The following APBA1 variants were observed in gnomAD, a reference collection of about 807,000 sequenced individuals.
The protein encoded by APBA1 is amyloid-beta A4 precursor protein-binding family A member 1.
In APBA1, 55 loss-of-function variants were observed where a neutral mutation model predicts 86.6. The ratio of observed to expected loss-of-function variants is 0.64; its 90% confidence interval spans 0.51 to 0.80. The LOEUF (loss-of-function observed/expected upper bound fraction) is 0.80. APBA1 is among the 30% of genes least tolerant of loss of function. The pLI is 0.00. For synonymous variants in APBA1, 511 were observed against 493.9 expected (o/e 1.03, Z -0.46); for missense variants, 1,090 against 1,183.0 (o/e 0.92, Z 1.15).
intron 3 of APBA1, among the ~76,000 whole-genome samples, chr9:69,473,302 A>G (rs542692958): frequency 1.3e-5 from 2 of 152,340 alleles, no homozygotes; most frequent in Non-Finnish European, 2.9e-5. Context: ...GTTTAAAGAA[A>G]AGAAAAAAAC....
chr9:69,461,642 G>A (rs1835193696), intron 5 of APBA1: 14 of 152,198 alleles, frequency 9.2e-5, no homozygotes, highest in Admixed American at 9.2e-4. Flanking sequence ...TTTTTCAGAA[G>A]AGGGAAATGT....
At chr9:69,641,818 T>C (rs953585610) in intron 1 of APBA1, among the ~76,000 whole-genome samples, 1 of 152,338 alleles carries the variant, frequency 6.6e-6, no homozygotes, top group African/African-American at 2.4e-5. Context: ...TTTGTAACTT[T>C]GGGCTAGGTG....
intron 1 of APBA1, among the ~76,000 whole-genome samples, chr9:69,575,078 G>A (rs1160339051): frequency 6.6e-6 from 1 of 151,930 alleles, no homozygotes; most frequent in African/African-American, 2.4e-5. Context: ...CACCTCTCCT[G>A]GCTAATTTTT....
Position 69,432,674 on chromosome 9 carries a change from G to T in APBA1, c.2304C>A (p.Ile768=). Residue 768 remains isoleucine, a splice_region_variant and synonymous_variant, in exon 12 of 13, where the codon ATC becomes ATA. Coordinates refer to ENST00000265381, the MANE Select transcript of APBA1 (RefSeq NM_001163.4). ...QLGFSVQNGI[I]CSLMRGGIAE... ...CTATTCCCCCTCGCATGAGGCTGCA[G>T]ATCTGCCAGAGTCAAAGGCAGAGTT... 1 of 1,579,402 alleles carries T rather than the reference G, an allele frequency of 6.3e-7. No individual in the cohort carries two copies. Among genetic ancestry groups the T allele is most frequent in the Non-Finnish European group, 8.6e-7 (1 of 1,165,560 alleles).
intron 1 of APBA1, among the ~76,000 whole-genome samples, chr9:69,611,777 A>C (rs1244257528): frequency 6.6e-6 from 1 of 152,198 alleles, no homozygotes; most frequent in Non-Finnish European, 1.5e-5. Flanking sequence ...GTGTTCACAC[A>C]TGTTGTGTCT....
intron 1 of APBA1, among the ~76,000 whole-genome samples, chr9:69,612,779 T>C (rs1822615621): frequency 6.6e-6 from 1 of 152,048 alleles, no homozygotes; most frequent in South Asian, 2.1e-4. Context: ...TAATTTTGTC[T>C]AAATTCAGAG....
intron 1 of APBA1, among the ~76,000 whole-genome samples, chr9:69,583,273 G>A (rs1054419492): frequency 6.6e-6 from 1 of 152,140 alleles, no homozygotes; most frequent in Non-Finnish European, 1.5e-5. Context: ...ATCTAGTCCA[G>A]CCCACCACCA....
intron 1 of APBA1, among the ~76,000 whole-genome samples, chr9:69,579,178 T>C (rs1453734217): frequency 2.6e-5 from 4 of 152,138 alleles, no homozygotes; most frequent in Admixed American, 1.3e-4. Context: ...CTCTCCTGCA[T>C]GGAGCCAGCA....
chr9:69,477,456 GCT>G, intron 2 of APBA1, among the ~76,000 whole-genome samples: 1 of 139,712 alleles, frequency 7.2e-6, no homozygotes, highest in African/African-American at 2.7e-5. Context: ...CCTGCACCTG[GCT>G]CAGAGGGTCC....
At chr9:69,489,127 C>A (rs996483424) in intron 2 of APBA1, among the ~76,000 whole-genome samples, 6 of 152,030 alleles carry the variant, frequency 3.9e-5, no homozygotes, top group Non-Finnish European at 7.4e-5. Context: ...TTGGAAAAAA[C>A]TACTTTAAAG....
intron 8 of APBA1, among the ~76,000 whole-genome samples, chr9:69,453,557 A>G (rs1835047293): frequency 6.6e-6 from 1 of 152,294 alleles, no homozygotes; most frequent in African/African-American, 2.4e-5. Flanking sequence ...ATGCTATACA[A>G]GGACCATCAC....
intron 1 of APBA1, among the ~76,000 whole-genome samples, chr9:69,554,868 G>C (rs1836838565): frequency 6.6e-6 from 1 of 151,938 alleles, no homozygotes; most frequent in African/African-American, 2.4e-5. Flanking sequence ...TATTTATTTT[G>C]ATTCAGTAGT....
At chr9:69,613,028 T>C (rs550552031) in intron 1 of APBA1, among the ~76,000 whole-genome samples, 1 of 152,230 alleles carries the variant, frequency 6.6e-6, no homozygotes, top group East Asian at 1.9e-4. Context: ...AAACTAAAAG[T>C]CTAGCCTGTT....
At chr9:69,608,580 T>C (rs770950588) in intron 1 of APBA1, among the ~76,000 whole-genome samples, 11 of 152,176 alleles carry the variant, frequency 7.2e-5, no homozygotes, top group Non-Finnish European at 1.5e-4. Context: ...AAAAACAGTA[T>C]TTATGACATG....
At chr9:69,537,399 G>T (rs1344621800) in intron 1 of APBA1, among the ~76,000 whole-genome samples, 2 of 151,996 alleles carry the variant, frequency 1.3e-5, no homozygotes, top group African/African-American at 4.8e-5. Context: ...AACCATCACA[G>T]GTGCACAGCC....
chr9:69,570,131 ACCTAAAGG>A (rs1298888710), intron 1 of APBA1, among the ~76,000 whole-genome samples: 3 of 152,112 alleles, frequency 2.0e-5, no homozygotes, highest in Non-Finnish European at 2.9e-5. Context: ...AGAGTTTAGG[ACCTAAAGG>A]CTACTGAACA....
In APBA1 at chr9:69,658,312, T is replaced by TC. The variant is rs1564105072; in HGVS notation, c.-70+13840_-70+13841insG. Among the ~76,000 whole-genome samples the TC allele has an allele frequency of 2.8e-3, 211 of 75,588 alleles. 8 individuals are homozygous for TC. The highest frequency in any genetic ancestry group is 0.017 in the East Asian group (39 of 2,362). The allele number at this position is 75,588 out of a possible 152,430, so 49.6% of individuals were successfully genotyped here. A position where few individuals can be genotyped will look rare whatever the true frequency, so the allele number is the denominator to read the frequency against. On this transcript the variant is annotated intron_variant, in intron 1 of 12. Transcript: ENST00000265381. The stretch of plus-strand genomic sequence containing the variant: ...TCTCTCTTTCTCTCTCTCTCTTTCT[T>TC]TCTTTCTTTCTTTCTTTCTTTCTTT...
chr9:69,589,716 C>T (rs1458208572), intron 1 of APBA1, among the ~76,000 whole-genome samples: 2 of 152,128 alleles, frequency 1.3e-5, no homozygotes, highest in African/African-American at 2.4e-5. Context: ...AAGCTGAAAT[C>T]GTGAACCGGA....
chr9:69,577,087 G>A (rs1357775477), intron 1 of APBA1, among the ~76,000 whole-genome samples: 1 of 152,088 alleles, frequency 6.6e-6, no homozygotes, highest in East Asian at 1.9e-4. Flanking sequence ...AGGGTAATTA[G>A]CATATCCATC....
Sources: allele counts gnomAD v4.1 joint callset (sites outside exome capture counted in the v4.1 genomes callset), GRCh38; gene constraint gnomAD v4.1.1; transcripts MANE v1.5; gene names NCBI Gene and HGNC (gene_info 2026-07-23, HGNC 2026-07-21).